Variants in CLSTN1 observed in about 807,000 individuals in gnomAD.
The protein encoded by CLSTN1 is calsyntenin 1.
A neutral mutation model predicts 108.3 loss-of-function variants in CLSTN1; 28 were observed. The ratio of observed to expected loss-of-function variants is 0.26; its 90% CI spans 0.19 to 0.35. CLSTN1 has a LOEUF of 0.35. Among genes scored for constraint, CLSTN1 ranks in the 10% least tolerant of loss-of-function variants. The pLI is 1.00. For missense variants in CLSTN1, 1,157 were observed against 1,302.6 expected, an observed-to-expected ratio of 0.89 and a Z score of 1.72; for synonymous variants, 524 against 534.9, an observed-to-expected ratio of 0.98 and a Z score of 0.28.
intron 1 of CLSTN1, among the ~76,000 whole-genome samples, chr1:9,790,456 T>A (rs1653710899): frequency 6.6e-6 from 1 of 151,360 alleles, no homozygotes; most frequent in African/African-American, 2.4e-5. Context: ...GTTGAAACAG[T>A]CTTATGTATG....
Position 9,736,053 on chromosome 1 carries a change from G to A in CLSTN1, c.1577-11C>T, listed in dbSNP as rs1219503037. ...TGTGCAGGTCGCCACCTTTGGGTCAGGGGAGAAAAGGCGAAGTCAGGCGTG... is the reference window on the plus strand; with the variant it reads ...TGTGCAGGTCGCCACCTTTGGGTCAAGGGAGAAAAGGCGAAGTCAGGCGTG... On this transcript the variant is annotated splice_polypyrimidine_tract_variant and intron_variant, in intron 11 of 18. Coordinates refer to ENST00000377298, the MANE Select transcript of CLSTN1 (RefSeq NM_001009566.3). 6.2e-7 allele frequency: 1 copy of A among 1,614,024 alleles called. No individual in the cohort carries two copies. Among genetic ancestry groups the A allele is most frequent in the South Asian group, 1.1e-5 (1 of 91,078 alleles).
rs112805379 is a variant in CLSTN1 at position 9,730,548 on chromosome 1, T to C, written c.2906A>G (p.Gln969Arg). 23 of 1,607,420 alleles carry C rather than the reference T, an allele frequency of 1.4e-5. No homozygotes were observed. The highest frequency in any genetic ancestry group is 9.3e-5 in the African/African-American group (7 of 74,970). Residue 969 changes from glutamine (Q) to arginine (R), a missense_variant, in exon 19 of 19, where the codon CAG becomes CGG. Gln to Arg is a conservative substitution (Grantham distance 43). Coordinates refer to ENST00000377298, the MANE Select transcript of CLSTN1 (RefSeq NM_001009566.3). The surrounding 1 kb of genome is among the most constrained non-coding windows in gnomAD (Gnocchi z 5.6). ...GGAGTCATCCCACTCCAGCTGCTGC[T>C]GCCGGGTTGCGTTCTGGGGGTCGCC... ...EQGDPQNATR[Q>R]QQLEWDDSTL...
chr1:9,731,627 TGTGTGTGATG>T, intron 17 of CLSTN1, 124 bp downstream of exon 17: 1 of 986,178 alleles, frequency 1.0e-6, no homozygotes, highest in Non-Finnish European at 1.5e-6. Flanking sequence ...TTAGTTTCCT[TGTGTGTGATG>T]GGGAATAATT....
At chr1:9,744,288 G>A (rs1412606155) in intron 8 of CLSTN1, 107 bp downstream of exon 8, 7 of 1,457,472 alleles carry the variant, frequency 4.8e-6, no homozygotes, top group African/African-American at 1.4e-5. Flanking sequence ...CATGGCCTAC[G>A]AGCACCAGGC....
chr1:9,795,604 G>A (rs1338035835), intron 1 of CLSTN1, among the ~76,000 whole-genome samples: 1 of 151,338 alleles, frequency 6.6e-6, no homozygotes, highest in Non-Finnish European at 1.5e-5. Flanking sequence ...TACAAGATTG[G>A]GGAAGACATG....
chr1:9,792,507 A>G (rs1247077636), intron 1 of CLSTN1, among the ~76,000 whole-genome samples: 1 of 151,418 alleles, frequency 6.6e-6, no homozygotes, highest in Non-Finnish European at 1.5e-5. Flanking sequence ...CTTAGGAAAT[A>G]AGGGGTCTCC....
intron 1 of CLSTN1, among the ~76,000 whole-genome samples, chr1:9,776,156 A>C (rs1652934004): frequency 6.6e-6 from 1 of 151,962 alleles, no homozygotes; most frequent in Non-Finnish European, 1.5e-5. Context: ...TTTAGTAGAG[A>C]CGGGATTTCA....
At position 9,749,427 on chromosome 1, in the gene CLSTN1, G is replaced by A. The variant is rs1651438955; in HGVS notation, c.985+34C>T. 2.5e-6 allele frequency: 4 copies of A among 1,576,824 alleles called. No homozygotes were observed. The East Asian group carries it at 6.7e-5, about 27-fold the overall frequency. ...AAAGGTCCCTCCCACCTTCACCAAA[G>A]CCAGCCGGATGCAAGAACGCCTGGT... On this transcript the variant is annotated intron_variant, in intron 7 of 18. Transcript: ENST00000377298.
chr1:9,756,925 C>T (rs1651842828), intron 2 of CLSTN1, among the ~76,000 whole-genome samples: 2 of 151,958 alleles, frequency 1.3e-5, no homozygotes, highest in Admixed American at 6.6e-5. Context: ...ACTACAGGCG[C>T]CCGCCACCAC....
intron 1 of CLSTN1, among the ~76,000 whole-genome samples, chr1:9,820,679 A>T (rs1022971538): frequency 1.3e-5 from 2 of 152,178 alleles, no homozygotes. Context: ...TCATTCAATC[A>T]CACAATACTG....
chr1:9,759,997 A>G (rs555080684), intron 2 of CLSTN1, among the ~76,000 whole-genome samples: 4 of 152,340 alleles, frequency 2.6e-5, no homozygotes, highest in Non-Finnish European at 5.9e-5. Flanking sequence ...ATCTGAACTG[A>G]CATTAATGAC....
intron 16 of CLSTN1, among the ~76,000 whole-genome samples, chr1:9,732,308 C>G (rs920732920): frequency 1.3e-5 from 2 of 152,140 alleles, no homozygotes; most frequent in African/African-American, 4.8e-5. Context: ...AAGTAATCCT[C>G]CCACCTCAGC....
intron 2 of CLSTN1, among the ~76,000 whole-genome samples, chr1:9,770,581 T>C (rs1008673841): frequency 6.6e-6 from 1 of 152,274 alleles, no homozygotes; most frequent in African/African-American, 2.4e-5. Context: ...CTCCGCTTCC[T>C]GCCTTTAATG....
At chr1:9,814,679 A>C (rs965827323) in intron 1 of CLSTN1, among the ~76,000 whole-genome samples, 1 of 152,214 alleles carries the variant, frequency 6.6e-6, no homozygotes, top group Non-Finnish European at 1.5e-5. Context: ...GAGGGCCAAA[A>C]AGGGCAGAAT....
At chr1:9,810,038 A>AAGAGAGAGAG (rs549792446) in intron 1 of CLSTN1, among the ~76,000 whole-genome samples, 3 of 100,418 alleles carry the variant, frequency 3.0e-5, no homozygotes, top group Admixed American at 1.1e-4. Flanking sequence ...GACTCTGAGA[A>AAGAGAGAGAG]AGAGAGAGAG....
At chr1:9,750,720 A>C (rs1189166779) in intron 5 of CLSTN1, among the ~76,000 whole-genome samples, 2 of 151,026 alleles carry the variant, frequency 1.3e-5, no homozygotes, top group African/African-American at 2.4e-5. Context: ...TCAAACAAAA[A>C]AAAAAAAAAA....
At chr1:9,747,285 T>C (rs1243867323) in intron 7 of CLSTN1, among the ~76,000 whole-genome samples, 1 of 151,008 alleles carries the variant, frequency 6.6e-6, no homozygotes, top group Admixed American at 6.6e-5. Flanking sequence ...CTTAATACCA[T>C]GAAATGAGAG....
At chr1:9,792,515 TC>T (rs986549094) in intron 1 of CLSTN1, among the ~76,000 whole-genome samples, 2 of 151,442 alleles carry the variant, frequency 1.3e-5, no homozygotes, top group Non-Finnish European at 2.9e-5. Flanking sequence ...ATAAGGGGTC[TC>T]CCTCATGATT....
intron 11 of CLSTN1, among the ~76,000 whole-genome samples, 166 bp downstream of exon 11, chr1:9,737,332 G>C (rs911942918): frequency 1.3e-5 from 2 of 152,160 alleles, no homozygotes; most frequent in African/African-American, 4.8e-5. Flanking sequence ...AGAATGGGCA[G>C]AATAAGGGAA....
Sources: gnomAD v4.1 joint callset for allele counts (sites outside exome capture counted in the v4.1 genomes callset) on GRCh38, gnomAD v4.1.1 for gene constraint, Gnocchi (gnomAD v3.1) non-coding constraint, MANE v1.5 for transcripts, NCBI Gene and HGNC (gene_info 2026-07-23, HGNC 2026-07-21) for gene names.